The following C7orf33 variants were observed in gnomAD, a reference collection of about 807,000 sequenced individuals.
C7orf33 encodes chromosome 7 open reading frame 33, also known as uncharacterized protein C7orf33.
A neutral mutation model predicts 13.4 loss-of-function variants in C7orf33; 15 were observed. That is an observed-to-expected ratio of 1.12 (90% CI 0.75 to 1.72). The LOEUF (loss-of-function observed/expected upper bound fraction) is 1.72, where lower values mean the gene tolerates loss of function less well. Among genes scored for constraint, C7orf33 ranks in the 40% most tolerant of loss-of-function variants. C7orf33 has a pLI of 0.00. For missense variants in C7orf33, 187 were observed against 220.3 expected (o/e 0.85, Z 0.96); for synonymous variants, 73 against 83.2 (o/e 0.88, Z 0.67).
chr7:148,608,989 G>T (rs1796507282), intron 1 of C7orf33, among the ~76,000 whole-genome samples: 1 of 151,740 alleles, frequency 6.6e-6, no homozygotes, highest in South Asian at 2.1e-4. Flanking sequence ...GGCAAATATT[G>T]TTGCTGATCT....
rs752616222 is a variant in C7orf33, at chr7:148,590,933, T to G, written c.8T>G (p.Val3Gly). ...GTAATTACCTTTGCCAAAATGCAAG[T>G]GGAAGTTCAAAGCCTCAGCCTTGAA... MQ[V>G]EVQSLSLEEC... Residue 3 changes from valine to glycine, a missense_variant, in exon 1 of 3, where the codon GTG becomes GGG. Coordinates refer to ENST00000307003, the MANE Select transcript of C7orf33 (RefSeq NM_145304.4). 1.2e-6 allele frequency: 2 copies of G among 1,613,996 alleles called. No homozygotes were observed. Among genetic ancestry groups the G allele is most frequent in the Non-Finnish European group, 8.5e-7 (1 of 1,179,966 alleles).
chr7:148,591,290 C>T (rs991027031), intron 1 of C7orf33, among the ~76,000 whole-genome samples, 161 bp downstream of exon 1: 10 of 152,196 alleles, frequency 6.6e-5, no homozygotes, highest in South Asian at 2.1e-4. Flanking sequence ...GATTAATTCA[C>T]TGCCCCAAAG....
chr7:148,593,000 C>T (rs1008924591), intron 1 of C7orf33, among the ~76,000 whole-genome samples: 21 of 152,052 alleles, frequency 1.4e-4, no homozygotes, highest in Non-Finnish European at 3.1e-4. Flanking sequence ...ACCACCACAT[C>T]CTACTAATTT....
At chr7:148,595,567 AAT>A (rs1323231635) in intron 1 of C7orf33, among the ~76,000 whole-genome samples, 1 of 131,326 alleles carries the variant, frequency 7.6e-6, no homozygotes, top group Admixed American at 8.1e-5. Context: ...ATAGCTATAT[AAT>A]ATATATAATA....
At chr7:148,603,764 G>A (rs1796443031) in intron 1 of C7orf33, among the ~76,000 whole-genome samples, 1 of 152,152 alleles carries the variant, frequency 6.6e-6, no homozygotes, top group South Asian at 2.1e-4. Flanking sequence ...CAACAGGAGA[G>A]AGCCTTCTTA....
intron 1 of C7orf33, among the ~76,000 whole-genome samples, chr7:148,604,447 G>A (rs1278189662): frequency 6.6e-6 from 1 of 152,142 alleles, no homozygotes; most frequent in Admixed American, 6.5e-5. Flanking sequence ...TATTCTAAGT[G>A]AAGTAACTCA....
At chr7:148,610,281 C>T (rs1395169179) in intron 1 of C7orf33, among the ~76,000 whole-genome samples, 1 of 152,156 alleles carries the variant, frequency 6.6e-6, no homozygotes, top group East Asian at 1.9e-4. Context: ...ACTTTTGAGT[C>T]AGTGGGCTGG....
At chr7:148,611,768 C>T (rs1027991896) in intron 1 of C7orf33, among the ~76,000 whole-genome samples, 21 of 152,230 alleles carry the variant, frequency 1.4e-4, no homozygotes, top group Non-Finnish European at 4.4e-5. Context: ...TTGGGTTACA[C>T]GTGCCCACCT....
chr7:148,614,674 A>G (rs1349357587), intron 2 of C7orf33, among the ~76,000 whole-genome samples: 1 of 152,202 alleles, frequency 6.6e-6, no homozygotes, highest in Non-Finnish European at 1.5e-5. Flanking sequence ...TGGAGTCTCT[A>G]CAGGAAGCTA....
chr7:148,595,040 A>G lies in C7orf33; in HGVS notation c.204+3911A>G, dbSNP rs150029955. Among the ~76,000 whole-genome samples, 730 of 152,020 alleles carry G rather than the reference A, an allele frequency of 4.8e-3. 12 individuals are homozygous for G. The highest frequency in any genetic ancestry group is 0.042 in the Admixed American group (645 of 15,194). ...TCCTGACCACCTAACAATGAGCACC[A>G]GCTTTTCACTTAATAGTTTCTGAAT... On this transcript the variant is annotated intron_variant, in intron 1 of 2. Transcript: ENST00000307003.
At chr7:148,597,767 T>G (rs943620196) in intron 1 of C7orf33, among the ~76,000 whole-genome samples, 2 of 150,880 alleles carry the variant, frequency 1.3e-5, no homozygotes, top group African/African-American at 4.9e-5. Context: ...TTGTTTTGTT[T>G]TGTTTTGAGA....
chr7:148,591,867 C>T (rs1796275329), intron 1 of C7orf33, among the ~76,000 whole-genome samples: 1 of 152,126 alleles, frequency 6.6e-6, no homozygotes, highest in Admixed American at 6.6e-5. Flanking sequence ...CCAGCAAGAC[C>T]TGGATCCTTA....
At chr7:148,598,660 A>G (rs35748198) in intron 1 of C7orf33, among the ~76,000 whole-genome samples, 10 of 141,522 alleles carry the variant, frequency 7.1e-5, no homozygotes, top group African/African-American at 2.7e-4. Context: ...CTCTCTCTAT[A>G]TATATATACA....
chr7:148,603,949 A>G (rs570392955), intron 1 of C7orf33, among the ~76,000 whole-genome samples: 1 of 152,282 alleles, frequency 6.6e-6, no homozygotes, highest in African/African-American at 2.4e-5. Context: ...TCACACACAC[A>G]TTTATAGCAG....
chr7:148,609,666 C>T lies in C7orf33; in HGVS notation c.205-4376C>T, dbSNP rs865781332. ...TGGAAATCACAAGCAAATCTCTCCCCGAGGCTCTGCAGCCACAACTTGGTC... is the reference window on the plus strand; with the variant it reads ...TGGAAATCACAAGCAAATCTCTCCCTGAGGCTCTGCAGCCACAACTTGGTC... On this transcript the variant is annotated intron_variant, in intron 1 of 2. Transcript: ENST00000307003. Among the ~76,000 whole-genome samples the T allele has an allele frequency of 5.7e-3, 865 of 152,264 alleles. 11 individuals carry two copies. Among genetic ancestry groups the T allele is most frequent in the African/African-American group, 0.019 (803 of 41,554 alleles).
chr7:148,594,637 CAGA>C (rs1437478455), intron 1 of C7orf33, among the ~76,000 whole-genome samples: 4 of 152,008 alleles, frequency 2.6e-5, no homozygotes, highest in Admixed American at 6.6e-5. Flanking sequence ...ATTTGCTTGG[CAGA>C]AGGAGGGTGA....
intron 1 of C7orf33, among the ~76,000 whole-genome samples, chr7:148,597,949 G>T (rs1394018535): frequency 7.2e-5 from 11 of 152,080 alleles, no homozygotes; most frequent in Admixed American, 7.2e-4. Context: ...TAGAGATGGG[G>T]TTTCACTGTG....
chr7:148,593,273 T>A (rs1796289321), intron 1 of C7orf33, among the ~76,000 whole-genome samples: 1 of 152,092 alleles, frequency 6.6e-6, no homozygotes, highest in Non-Finnish European at 1.5e-5. Context: ...TTTTTGTTAT[T>A]CATTTTGAGA....
At chr7:148,599,964 C>T (rs1796393921) in intron 1 of C7orf33, among the ~76,000 whole-genome samples, 1 of 152,196 alleles carries the variant, frequency 6.6e-6, no homozygotes, top group South Asian at 2.1e-4. Context: ...ACAGCCACCC[C>T]TTGGCCACTT....
Sources: gnomAD v4.1 joint callset for allele counts (sites outside exome capture counted in the v4.1 genomes callset) on GRCh38, gnomAD v4.1.1 for gene constraint, MANE v1.5 for transcripts, NCBI Gene and HGNC (gene_info 2026-07-23, HGNC 2026-07-21) for gene names.